FARP1: variants seen among roughly 807,000 people sequenced by gnomAD.
FARP1 encodes FERM, ARHGEF and pleckstrin domain-containing protein 1.
FARP1 carries 52 observed loss-of-function variants against 128.8 expected under a neutral mutation model. That is an observed-to-expected ratio of 0.40 (90% CI 0.32 to 0.51). The LOEUF (loss-of-function observed/expected upper bound fraction) is 0.51. Among genes scored for constraint, FARP1 ranks in the 20% least tolerant of loss-of-function variants. The pLI is 0.45. For missense variants in FARP1, 1,333 were observed against 1,367.9 expected (o/e 0.97, Z 0.40); for synonymous variants, 580 against 551.8 (o/e 1.05, Z -0.72).
chr13:98,431,050 C>A lies in FARP1; in HGVS notation c.1913C>A (p.Ala638Glu), dbSNP rs61730891. 3.7e-6 allele frequency: 6 copies of A among 1,611,578 alleles called. No homozygotes were observed. The highest frequency in any genetic ancestry group is 1.3e-5 in the African/African-American group (1 of 75,010). The change falls in exon 18 of 27, where the codon GCG becomes GAG. Residue 638 changes from alanine to glutamate, a missense_variant. Coordinates refer to ENST00000319562, the MANE Select transcript of FARP1 (RefSeq NM_005766.4). ...CCTCTGTTGCCTCCCAAGCACCTGG[C>A]GGCTCACCTGTGGAAGCACAGCGAG... ...LKNIQGMKHL[A>E]AHLWKHSEAL...
intron 3 of FARP1, among the ~76,000 whole-genome samples, chr13:98,360,830 A>G (rs933875477): frequency 5.9e-5 from 9 of 152,302 alleles, no homozygotes; most frequent in African/African-American, 1.9e-4. Context: ...AGTGTGTTCA[A>G]GAGATCAGCG....
chr13:98,367,315 CCTGA>C (rs1220915856), intron 4 of FARP1, among the ~76,000 whole-genome samples: 2 of 152,118 alleles, frequency 1.3e-5, no homozygotes, highest in Admixed American at 1.3e-4. Context: ...CGCCACCACG[CCTGA>C]CTAATTTTTA....
chr13:98,440,694 C>G lies in FARP1; in HGVS notation c.2654C>G (p.Ala885Gly). 2.5e-6 allele frequency: 4 copies of G among 1,613,124 alleles called. No homozygotes were observed. Among genetic ancestry groups the G allele is most frequent in the Non-Finnish European group, 3.4e-6 (4 of 1,179,778 alleles). The stretch of plus-strand genomic sequence containing the variant: ...GAGTCCCCTGATGAAGCCACCGCGG[C>G]TGACCAGGAGTCAGAGGATGACCTG... ...DNKSPDEATA[A>G]DQESEDDLSA... The change falls in exon 24 of 27, where the codon GCT (alanine) becomes GGT (glycine). Residue 885 changes from alanine to glycine, a missense_variant. Physicochemically the swap from Ala to Gly is moderately conservative, Grantham distance 60 (BLOSUM62 0). Around this residue, in one of 2 missense-constraint regions of FARP1, gnomAD observed 1,009 missense variants for 969.8 expected, o/e 1.04. Transcript: ENST00000319562.
intron 2 of FARP1, among the ~76,000 whole-genome samples, chr13:98,289,517 C>T (rs1214628795): frequency 3.3e-5 from 5 of 152,174 alleles, no homozygotes; most frequent in Non-Finnish European, 7.3e-5. Flanking sequence ...ATTTGGTTAT[C>T]TTCAGCTGGG....
At chr13:98,423,076 A>G (rs1392708584) in intron 16 of FARP1, among the ~76,000 whole-genome samples, 1 of 152,156 alleles carries the variant, frequency 6.6e-6, no homozygotes, top group African/African-American at 2.4e-5. Flanking sequence ...CACAGGAGAA[A>G]GATGTAGGCT....
chr13:98,374,393 C>G (rs540704811), intron 5 of FARP1, among the ~76,000 whole-genome samples: 1 of 152,280 alleles, frequency 6.6e-6, no homozygotes, highest in Non-Finnish European at 1.5e-5. Context: ...CCACTGCACT[C>G]CAGCCTGGAA....
At chr13:98,347,124 T>G (rs1389696931) in intron 3 of FARP1, among the ~76,000 whole-genome samples, 1 of 152,226 alleles carries the variant, frequency 6.6e-6, no homozygotes, top group Non-Finnish European at 1.5e-5. Context: ...CAGCTGGATT[T>G]TCCCCTCTGC....
chr13:98,426,776 C>G (rs1311825609), intron 17 of FARP1, among the ~76,000 whole-genome samples: 1 of 152,198 alleles, frequency 6.6e-6, no homozygotes, highest in Non-Finnish European at 1.5e-5. Context: ...CAAGAATTAC[C>G]TAAGATGTTC....
intron 17 of FARP1, among the ~76,000 whole-genome samples, chr13:98,428,378 C>T (rs1318554768): frequency 6.6e-6 from 1 of 152,154 alleles, no homozygotes; most frequent in Non-Finnish European, 1.5e-5. Flanking sequence ...GCTTCTACCA[C>T]CTGTACCTCT....
intron 16 of FARP1, among the ~76,000 whole-genome samples, chr13:98,421,971 G>C (rs931775151): frequency 6.6e-6 from 1 of 152,164 alleles, no homozygotes; most frequent in African/African-American, 2.4e-5. Context: ...CATTCACATG[G>C]AGTGCTCTGG....
intron 2 of FARP1, among the ~76,000 whole-genome samples, chr13:98,324,400 C>T (rs186784527): frequency 2.4e-4 from 37 of 152,204 alleles, no homozygotes; most frequent in African/African-American, 8.7e-4. Flanking sequence ...TATTGGGTAA[C>T]CTTGGCATTC....
At chr13:98,158,653 G>C (rs1470810274) in intron 1 of FARP1, among the ~76,000 whole-genome samples, 1 of 152,204 alleles carries the variant, frequency 6.6e-6, no homozygotes, top group Non-Finnish European at 1.5e-5. Context: ...ACCCTAAAGT[G>C]TGAGTTTGAG....
At chr13:98,318,238 T>G (rs1317103003) in intron 2 of FARP1, among the ~76,000 whole-genome samples, 29 of 152,064 alleles carry the variant, frequency 1.9e-4, no homozygotes, top group Non-Finnish European at 7.4e-5. Flanking sequence ...GTATTTTTTT[T>G]TGTGGAGATA....
intron 2 of FARP1, among the ~76,000 whole-genome samples, chr13:98,292,748 G>T (rs899222939): frequency 1.3e-5 from 2 of 152,052 alleles, no homozygotes; most frequent in Non-Finnish European, 2.9e-5. Flanking sequence ...AAAGCCTGAG[G>T]GTAGGAGATG....
chr13:98,306,116 A>G (rs1424643208), intron 2 of FARP1, among the ~76,000 whole-genome samples: 1 of 152,072 alleles, frequency 6.6e-6, no homozygotes, highest in Non-Finnish European at 1.5e-5. Flanking sequence ...TAGACTGGAC[A>G]GCTGATTGCA....
intron 2 of FARP1, among the ~76,000 whole-genome samples, chr13:98,251,365 C>T (rs1314537117): frequency 6.6e-6 from 1 of 152,132 alleles, no homozygotes; most frequent in Non-Finnish European, 1.5e-5. Flanking sequence ...GAGATATAGA[C>T]GACTTTATTT....
chr13:98,373,460 C>T (rs1299504542), intron 5 of FARP1, among the ~76,000 whole-genome samples: 1 of 151,714 alleles, frequency 6.6e-6, no homozygotes, highest in African/African-American at 2.4e-5. Context: ...GTATTCCCAC[C>T]TCCCACATGA....
At chr13:98,235,567 A>T (rs1882363436) in intron 2 of FARP1, among the ~76,000 whole-genome samples, 2 of 152,184 alleles carry the variant, frequency 1.3e-5, no homozygotes, top group African/African-American at 4.8e-5. Flanking sequence ...CATTTGACCG[A>T]TAGCTTAGAG....
At chr13:98,187,855 CT>C (rs1232360458) in intron 1 of FARP1, among the ~76,000 whole-genome samples, 1 of 152,114 alleles carries the variant, frequency 6.6e-6, no homozygotes, top group Admixed American at 6.5e-5. Flanking sequence ...TGACCAGAGT[CT>C]TGTTCTATTT....
Sources: allele counts gnomAD v4.1 joint callset (sites outside exome capture counted in the v4.1 genomes callset), GRCh38; gene constraint gnomAD v4.1.1; regional missense constraint gnomAD v4.1.1; transcripts MANE v1.5; gene names NCBI Gene and HGNC (gene_info 2026-07-23, HGNC 2026-07-21).